AUTS2: variants seen among roughly 807,000 people sequenced by gnomAD.
AUTS2 encodes the protein activator of transcription and developmental regulator AUTS2.
A neutral mutation model predicts 112.4 loss-of-function variants in AUTS2; 17 were observed. The observed-to-expected ratio is 0.15, with a 90% CI of 0.10 to 0.23. The LOEUF is 0.23. Among genes scored for constraint, AUTS2 ranks in the 10% least tolerant of loss-of-function variants. The pLI, the probability that AUTS2 is intolerant of heterozygous loss-of-function variation, is 1.00. For missense variants in AUTS2, 1,510 were observed against 1,701.6 expected (o/e 0.89, Z 1.98); for synonymous variants, 751 against 702.7 (o/e 1.07, Z -1.09).
chr7:70,734,803 C>CT (rs1787684582), intron 6 of AUTS2, among the ~76,000 whole-genome samples: 1 of 151,976 alleles, frequency 6.6e-6, no homozygotes, highest in African/African-American at 2.4e-5. Flanking sequence ...TTATCCCTGC[C>CT]TTTTTTAAAA....
At chr7:70,047,416 A>T (rs2129558713) in intron 2 of AUTS2, among the ~76,000 whole-genome samples, 1 of 152,310 alleles carries the variant, frequency 6.6e-6, no homozygotes, top group East Asian at 1.9e-4. Flanking sequence ...GCAATTGCAG[A>T]GACACTTTCC....
At chr7:69,884,458 T>G (rs540307544) in intron 1 of AUTS2, among the ~76,000 whole-genome samples, 4 of 152,338 alleles carry the variant, frequency 2.6e-5, no homozygotes, top group African/African-American at 9.6e-5. Flanking sequence ...TTAATTCAGT[T>G]TAATTTTGTG....
intron 2 of AUTS2, among the ~76,000 whole-genome samples, chr7:69,952,577 G>A (rs2129546094): frequency 6.6e-6 from 1 of 152,256 alleles, no homozygotes; most frequent in Non-Finnish European, 1.5e-5. Flanking sequence ...ATGAGTTTCT[G>A]CCTCTGTGGG....
chr7:70,520,921 A>T (rs1309321443), intron 5 of AUTS2, among the ~76,000 whole-genome samples: 1 of 152,162 alleles, frequency 6.6e-6, no homozygotes, highest in Non-Finnish European at 1.5e-5. Context: ...CCACGCTTGG[A>T]GAAACAATCT....
intron 1 of AUTS2, among the ~76,000 whole-genome samples, chr7:69,637,620 G>A (rs1240293426): frequency 6.6e-6 from 1 of 152,164 alleles, no homozygotes. Flanking sequence ...TTTGTTTTTC[G>A]TAAGGCAGGA....
At chr7:70,611,860 C>T (rs1804109893) in intron 5 of AUTS2, among the ~76,000 whole-genome samples, 1 of 152,146 alleles carries the variant, frequency 6.6e-6, no homozygotes, top group South Asian at 2.1e-4. Context: ...TAGTCCGTCA[C>T]GTGGGCATCC....
At chr7:69,745,456 C>T (rs1787449444) in intron 1 of AUTS2, among the ~76,000 whole-genome samples, 1 of 152,120 alleles carries the variant, frequency 6.6e-6, no homozygotes. Context: ...GCACTTTTGC[C>T]TCCTTTGCAC....
At chr7:70,246,373 G>A (rs533348852) in intron 4 of AUTS2, among the ~76,000 whole-genome samples, 1 of 152,184 alleles carries the variant, frequency 6.6e-6, no homozygotes, top group Non-Finnish European at 1.5e-5. Context: ...CATGTATGAT[G>A]TGAGGTAAGG....
chr7:70,008,065 AT>A (rs1159657064), intron 2 of AUTS2, among the ~76,000 whole-genome samples: 3 of 152,000 alleles, frequency 2.0e-5, no homozygotes, highest in Non-Finnish European at 4.4e-5. Context: ...TCAACAGTTA[AT>A]TTTTTTGTAT....
At chr7:70,419,618 T>G (rs1226793396) in intron 4 of AUTS2, among the ~76,000 whole-genome samples, 1 of 152,190 alleles carries the variant, frequency 6.6e-6, no homozygotes, top group Non-Finnish European at 1.5e-5. Context: ...TTTGTTCCTT[T>G]TTGAGACTAG....
chr7:70,433,807 C>G (rs1056736614), intron 4 of AUTS2, among the ~76,000 whole-genome samples: 18 of 152,154 alleles, frequency 1.2e-4, no homozygotes, highest in Non-Finnish European at 5.9e-5. Flanking sequence ...CTACGGAGTG[C>G]TTAGTCTGAA....
At chr7:70,690,608 G>A (rs1042181183) in intron 5 of AUTS2, among the ~76,000 whole-genome samples, 29 of 152,154 alleles carry the variant, frequency 1.9e-4, no homozygotes, top group Non-Finnish European at 5.9e-5. Flanking sequence ...AATATATTTA[G>A]CTTAAATCTG....
chr7:70,561,273 CTG>C (rs1250307602), intron 5 of AUTS2, among the ~76,000 whole-genome samples: 1 of 152,272 alleles, frequency 6.6e-6, no homozygotes, highest in East Asian at 1.9e-4. Context: ...TCCAAAGACT[CTG>C]TACCAGTCGA....
chr7:70,727,297 G>A (rs560747025), intron 6 of AUTS2, among the ~76,000 whole-genome samples: 1 of 152,308 alleles, frequency 6.6e-6, no homozygotes, highest in South Asian at 2.1e-4. Context: ...AAGCAAAAGG[G>A]ACCACAGCCG....
At chr7:70,519,339 C>T (rs974136382) in intron 5 of AUTS2, among the ~76,000 whole-genome samples, 16 of 152,332 alleles carry the variant, frequency 1.1e-4, no homozygotes, top group African/African-American at 3.6e-4. Context: ...AAGTTCTGCC[C>T]TTGAAAGGGA....
intron 6 of AUTS2, among the ~76,000 whole-genome samples, chr7:70,705,051 TATC>T (rs1809662716): frequency 6.6e-6 from 1 of 152,232 alleles, no homozygotes; most frequent in South Asian, 2.1e-4. Context: ...AAGAGCATGT[TATC>T]ATGTGTGAGC....
chr7:69,621,360 T>A (rs1456792612), intron 1 of AUTS2, among the ~76,000 whole-genome samples: 1 of 152,118 alleles, frequency 6.6e-6, no homozygotes, highest in African/African-American at 2.4e-5. Flanking sequence ...TTTCACTCTT[T>A]TTTCTACCCA....
chr7:69,740,851 A>G (rs914257313), intron 1 of AUTS2, among the ~76,000 whole-genome samples: 1 of 152,182 alleles, frequency 6.6e-6, no homozygotes, highest in Non-Finnish European at 1.5e-5. Flanking sequence ...AGAGCAATGC[A>G]GAGTTTAGGT....
chr7:69,864,936 A>G (rs1253868919), intron 1 of AUTS2, among the ~76,000 whole-genome samples: 5 of 152,168 alleles, frequency 3.3e-5, no homozygotes, highest in Non-Finnish European at 5.9e-5. Context: ...TGGAAGACCC[A>G]TCTGCTCTTC....
Sources: allele counts gnomAD v4.1 joint callset (sites outside exome capture counted in the v4.1 genomes callset), GRCh38; gene constraint gnomAD v4.1.1; transcripts MANE v1.5; gene names NCBI Gene and HGNC (gene_info 2026-07-23, HGNC 2026-07-21).